The following DNAAF1 variants were observed in gnomAD, a reference collection of about 807,000 sequenced individuals.
DNAAF1 encodes dynein axonemal assembly factor 1.
Under a neutral mutation model 71.1 loss-of-function variants are expected in DNAAF1, and 65 were observed. The ratio of observed to expected loss-of-function variants is 0.91; its 90% CI spans 0.75 to 1.12. DNAAF1 has a LOEUF of 1.12. DNAAF1 is among the 50% of genes most tolerant of loss of function. The pLI is 0.00. For synonymous variants in DNAAF1, 414 were observed against 354.6 expected (o/e 1.17, Z -1.88); for missense variants, 1,178 against 899.8 (o/e 1.31, Z -3.96).
At chr16:84,166,029 T>A (rs1186931198) in intron 7 of DNAAF1, 80 bp downstream of exon 7, 3 of 1,427,850 alleles carry the variant, frequency 2.1e-6, no homozygotes, top group Non-Finnish European at 2.9e-6. Flanking sequence ...CAGTCTTTAA[T>A]CTTGGGAATT....
chr16:84,155,555 T>G, intron 4 of DNAAF1, 28 bp from the exon 5 acceptor site: 1 of 1,613,632 alleles, frequency 6.2e-7, no homozygotes, highest in Non-Finnish European at 8.5e-7. Flanking sequence ...TGCCTTTGTT[T>G]TTGACTTCTG....
intron 9 of DNAAF1, chr16:84,172,792 C>T: frequency 4.7e-6 from 5 of 1,071,134 alleles, no homozygotes; most frequent in Non-Finnish European, 5.7e-6. Flanking sequence ...TCTTTTCCCC[C>T]CTCCGTGGAC....
chr16:84,147,225 G>T (rs780896270), intron 1 of DNAAF1, among the ~76,000 whole-genome samples: 2 of 152,132 alleles, frequency 1.3e-5, no homozygotes, highest in African/African-American at 2.4e-5. Flanking sequence ...TATATTGAGC[G>T]CTTATTCTTT....
chr16:84,152,140 C>CT (rs568709077), intron 3 of DNAAF1, among the ~76,000 whole-genome samples: 168 of 152,232 alleles, frequency 1.1e-3, no homozygotes, highest in African/African-American at 4.0e-3. Flanking sequence ...CTTAGGGAGA[C>CT]TTTAGCCAGG....
chr16:84,162,540 G>A (rs1187240118), intron 6 of DNAAF1, among the ~76,000 whole-genome samples: 1 of 152,146 alleles, frequency 6.6e-6, no homozygotes, highest in Non-Finnish European at 1.5e-5. Flanking sequence ...GGAAATACTG[G>A]ATGGGCATGG....
At chr16:84,160,741 T>C (rs1340947037) in intron 6 of DNAAF1, among the ~76,000 whole-genome samples, 1 of 151,688 alleles carries the variant, frequency 6.6e-6, no homozygotes, top group East Asian at 1.9e-4. Flanking sequence ...GAGACCACCC[T>C]GGCTAACACG....
chr16:84,168,924 C>T (rs923263733), intron 7 of DNAAF1, among the ~76,000 whole-genome samples: 10 of 151,812 alleles, frequency 6.6e-5, no homozygotes, highest in African/African-American at 1.9e-4. Flanking sequence ...CCCAGTGCTT[C>T]AGCGTGCATC....
intron 1 of DNAAF1, 132 bp downstream of exon 1, chr16:84,145,696 G>A: frequency 8.2e-7 from 1 of 1,213,340 alleles, no homozygotes; most frequent in Non-Finnish European, 1.1e-6. Context: ...AGCAAGCAAC[G>A]CTCTGCAGTA....
chr16:84,167,270 C>T (rs561806532), intron 7 of DNAAF1, among the ~76,000 whole-genome samples: 6 of 152,188 alleles, frequency 3.9e-5, no homozygotes, highest in South Asian at 4.2e-4. Context: ...TGGGAAGGGG[C>T]GGAGCTTCAT....
At chr16:84,175,758 G>A in intron 10 of DNAAF1, 175 bp from the exon 11 acceptor site, 2 of 735,866 alleles carry the variant, frequency 2.7e-6, no homozygotes, top group Non-Finnish European at 4.6e-6. Context: ...TGTGCCCAGG[G>A]AGTGGCCACC....
intron 6 of DNAAF1, among the ~76,000 whole-genome samples, chr16:84,163,090 G>A (rs1478898250): frequency 6.6e-6 from 1 of 152,082 alleles, no homozygotes; most frequent in Non-Finnish European, 1.5e-5. Flanking sequence ...ACACTACATT[G>A]TATTTGTCCA....
intron 9 of DNAAF1, chr16:84,173,062 T>A: frequency 1.0e-6 from 1 of 989,870 alleles, no homozygotes; most frequent in Non-Finnish European, 1.2e-6. Flanking sequence ...TGGGTACCTC[T>A]GACCTTATAC....
intron 5 of DNAAF1, among the ~76,000 whole-genome samples, chr16:84,157,517 A>G (rs1203776542): frequency 1.3e-5 from 2 of 151,892 alleles, no homozygotes; most frequent in Non-Finnish European, 2.9e-5. Flanking sequence ...TGTCAAAAAA[A>G]AAAAAAAAAA....
chr16:84,177,756 CAG>C lies in DNAAF1; in HGVS notation c.2097_2098del (p.Glu699AspfsTer34). On this transcript the variant is annotated frameshift_variant, in exon 12 of 12. Coordinates refer to ENST00000378553, the MANE Select transcript of DNAAF1 (RefSeq NM_178452.6). LOFTEE classifies it low-confidence loss of function (END_TRUNC). ...CCGACTGAGAGCGCCGCCACACCCC[CAG>C]AGACGTGTGTCGGAGTTGCCCAGCC... is the stretch of plus-strand genomic sequence containing the variant. 2 of 1,614,050 alleles carry C rather than the reference CAG, an allele frequency of 1.2e-6. No individual in the cohort carries two copies. Among genetic ancestry groups the C allele is most frequent in the Non-Finnish European group, 1.7e-6 (2 of 1,179,980 alleles).
At chr16:84,177,626 G>A in intron 11 of DNAAF1, 103 bp from the exon 12 acceptor site, 1 of 969,062 alleles carries the variant, frequency 1.0e-6, no homozygotes, top group Non-Finnish European at 1.7e-6. Flanking sequence ...ACCACGCCCA[G>A]TTGAGGACAC....
At chr16:84,165,687 A>C in intron 6 of DNAAF1, 96 bp from the exon 7 acceptor site, 1 of 1,199,212 alleles carries the variant, frequency 8.3e-7, no homozygotes, top group Non-Finnish European at 1.2e-6. Flanking sequence ...TCTGATGCTC[A>C]CTTTGCTTTG....
intron 4 of DNAAF1, 147 bp downstream of exon 4, chr16:84,154,945 G>A (rs2087344554): frequency 1.8e-5 from 14 of 757,752 alleles, no homozygotes; most frequent in Non-Finnish European, 3.1e-5. Context: ...GTCTTGCTCT[G>A]TCGCCCAGGC....
chr16:84,156,791 C>CTT (rs1175068154), intron 5 of DNAAF1, among the ~76,000 whole-genome samples: 2 of 151,292 alleles, frequency 1.3e-5, no homozygotes, highest in Non-Finnish European at 2.9e-5. Flanking sequence ...ATGTTTGACC[C>CTT]TTTTATTTAT....
intron 9 of DNAAF1, chr16:84,172,627 C>T: frequency 6.0e-6 from 8 of 1,334,202 alleles, no homozygotes; most frequent in Middle Eastern, 2.9e-4. Flanking sequence ...GGAGCCCTGA[C>T]CCAAATCGCT....
Sources: gnomAD v4.1 joint callset for allele counts (sites outside exome capture counted in the v4.1 genomes callset) on GRCh38, gnomAD v4.1.1 for gene constraint, MANE v1.5 for transcripts, NCBI Gene and HGNC (gene_info 2026-07-23, HGNC 2026-07-21) for gene names.